PCBP3: variants seen among roughly 807,000 people sequenced by gnomAD.
PCBP3 encodes the protein poly(rC) binding protein 3.
Under a neutral mutation model 52.7 loss-of-function variants are expected in PCBP3, and 25 were observed. The observed-to-expected ratio is 0.47, with a 90% confidence interval of 0.35 to 0.66. The LOEUF (loss-of-function observed/expected upper bound fraction) is 0.66, where lower values mean the gene tolerates loss of function less well. PCBP3 is among the 30% of genes least tolerant of loss of function. The pLI is 0.01. For missense variants in PCBP3, 391 were observed against 490.3 expected (o/e 0.80, Z 1.91); for synonymous variants, 162 against 183.0 (o/e 0.89, Z 0.93).
At chr21:45,718,226 C>G (rs559998791) in intron 2 of PCBP3, among the ~76,000 whole-genome samples, 2 of 145,880 alleles carry the variant, frequency 1.4e-5, no homozygotes, top group Non-Finnish European at 3.0e-5. Flanking sequence ...TTTTGCTAGT[C>G]TAGGTGAAGA....
chr21:45,869,111 T>A (rs916963863), intron 5 of PCBP3: 6 of 152,112 alleles, frequency 3.9e-5, no homozygotes, highest in African/African-American at 9.7e-5. Context: ...ATCTGTAACT[T>A]TCTCCAATGC....
chr21:45,857,050 G>A (rs529881089), intron 5 of PCBP3, among the ~76,000 whole-genome samples: 19 of 152,288 alleles, frequency 1.2e-4, no homozygotes, highest in African/African-American at 2.2e-4. Flanking sequence ...AGAGACAGTC[G>A]ATGACAAATG....
At chr21:45,644,946 A>G (rs940274029) in intron 1 of PCBP3, among the ~76,000 whole-genome samples, 3 of 152,164 alleles carry the variant, frequency 2.0e-5, no homozygotes, top group African/African-American at 7.2e-5. Context: ...GGAGTGTGCA[A>G]GGGTGCTTCC....
At chr21:45,689,463 C>T (rs990007425) in intron 2 of PCBP3, among the ~76,000 whole-genome samples, 4 of 151,822 alleles carry the variant, frequency 2.6e-5, no homozygotes, top group Admixed American at 1.3e-4. Flanking sequence ...TATGAAAATC[C>T]GACAATTAAC....
chr21:45,841,628 G>A (rs2093701482), intron 4 of PCBP3, among the ~76,000 whole-genome samples: 1 of 152,152 alleles, frequency 6.6e-6, no homozygotes, highest in Admixed American at 6.5e-5. Context: ...TTATCTGCTA[G>A]TGTGTTATTT....
At chr21:45,903,236 G>C (rs139910963) in intron 9 of PCBP3, among the ~76,000 whole-genome samples, 1 of 152,174 alleles carries the variant, frequency 6.6e-6, no homozygotes, top group Non-Finnish European at 1.5e-5. Flanking sequence ...TCCAGCTTCA[G>C]TTGGGACCTG....
At chr21:45,877,641 T>C (rs982339034) in intron 5 of PCBP3, among the ~76,000 whole-genome samples, 3 of 152,070 alleles carry the variant, frequency 2.0e-5, no homozygotes, top group African/African-American at 4.8e-5. Flanking sequence ...CCATCTCTAC[T>C]AAAAATACAA....
At chr21:45,882,370 C>A (rs2095424045) in intron 5 of PCBP3, among the ~76,000 whole-genome samples, 1 of 152,032 alleles carries the variant, frequency 6.6e-6, no homozygotes, top group Non-Finnish European at 1.5e-5. Context: ...TTTTTAAAAT[C>A]TGGTATTTGT....
At chr21:45,909,661 C>T (rs1402776977) in intron 10 of PCBP3, among the ~76,000 whole-genome samples, 175 bp downstream of exon 10, 1 of 152,092 alleles carries the variant, frequency 6.6e-6, no homozygotes, top group Non-Finnish European at 1.5e-5. Flanking sequence ...CATGAGCAAG[C>T]ACAACTGCAC....
chr21:45,846,163 G>A (rs987883012), intron 4 of PCBP3, among the ~76,000 whole-genome samples: 1 of 152,222 alleles, frequency 6.6e-6, no homozygotes, highest in Non-Finnish European at 1.5e-5. Flanking sequence ...CTCTCTCGAT[G>A]TCTGGTCTCA....
intron 2 of PCBP3, among the ~76,000 whole-genome samples, chr21:45,711,296 A>T (rs1023988794): frequency 2.6e-5 from 4 of 152,192 alleles, no homozygotes; most frequent in African/African-American, 9.7e-5. Flanking sequence ...ATATGTAACC[A>T]TCTGTATCTT....
chr21:45,897,237 G>A (rs2095856873), intron 6 of PCBP3, among the ~76,000 whole-genome samples: 1 of 152,188 alleles, frequency 6.6e-6, no homozygotes, highest in African/African-American at 2.4e-5. Flanking sequence ...ATCAGTGTCA[G>A]GGCACCCACA....
chr21:45,910,891 C>G lies in PCBP3; in HGVS notation c.472-11C>G. On this transcript the variant is annotated splice_polypyrimidine_tract_variant and intron_variant, in intron 10 of 17. Transcript: ENST00000681687. ...ACCCTGGTGCTCCCTTCCAATGTCCCCTCTCTCCAGTCCACAGGTGCCCAG... is the reference window on the plus strand; with the variant it reads ...ACCCTGGTGCTCCCTTCCAATGTCCGCTCTCTCCAGTCCACAGGTGCCCAG... 2.5e-6 allele frequency: 4 copies of G among 1,594,006 alleles called. No individual in the cohort carries two copies. The highest frequency in any genetic ancestry group is 3.4e-6 in the Non-Finnish European group (4 of 1,171,132).
intron 2 of PCBP3, among the ~76,000 whole-genome samples, chr21:45,706,280 A>T (rs2083444447): frequency 6.6e-6 from 1 of 152,162 alleles, no homozygotes. Context: ...AGCCGGAGGA[A>T]GAGCCCTCTG....
At chr21:45,644,428 T>C (rs1329225908) in intron 1 of PCBP3, among the ~76,000 whole-genome samples, 1 of 152,068 alleles carries the variant, frequency 6.6e-6, no homozygotes, top group East Asian at 1.9e-4. Flanking sequence ...TGTTTTATTT[T>C]AATTTTGGGG....
chr21:45,666,095 C>G (rs967580420), intron 1 of PCBP3, among the ~76,000 whole-genome samples: 24 of 152,116 alleles, frequency 1.6e-4, no homozygotes, highest in Non-Finnish European at 2.2e-4. Flanking sequence ...CCTCAATAAA[C>G]TAGGCATAGA....
intron 4 of PCBP3, among the ~76,000 whole-genome samples, chr21:45,781,720 C>T (rs2090646886): frequency 6.6e-6 from 1 of 152,170 alleles, no homozygotes; most frequent in South Asian, 2.1e-4. Context: ...TCTATCCATA[C>T]TTGAATGGCT....
intron 2 of PCBP3, among the ~76,000 whole-genome samples, chr21:45,711,774 T>C (rs570959114): frequency 6.6e-6 from 1 of 152,358 alleles, no homozygotes; most frequent in East Asian, 1.9e-4. Flanking sequence ...TTGGACATCC[T>C]AAATGACGTT....
intron 4 of PCBP3, among the ~76,000 whole-genome samples, chr21:45,803,866 G>C (rs2146821911): frequency 6.6e-6 from 1 of 152,312 alleles, no homozygotes; most frequent in East Asian, 1.9e-4. Flanking sequence ...GATGGCCCAG[G>C]TCCTGCTGGG....
Sources: gnomAD v4.1 joint callset for allele counts (sites outside exome capture counted in the v4.1 genomes callset) on GRCh38, gnomAD v4.1.1 for gene constraint, MANE v1.5 for transcripts, NCBI Gene and HGNC (gene_info 2026-07-23, HGNC 2026-07-21) for gene names.